GDF6: variants seen among roughly 807,000 people sequenced by gnomAD.
GDF6 encodes the protein growth/differentiation factor 6.
Under a neutral mutation model 32.4 loss-of-function variants are expected in GDF6, and 3 were observed. That is an observed-to-expected ratio of 0.09 (90% CI 0.04 to 0.24). The LOEUF is 0.24. Among genes scored for constraint, GDF6 ranks in the 10% least tolerant of loss-of-function variants. The pLI is 1.00. For missense variants in GDF6, 589 were observed against 637.9 expected, an observed-to-expected ratio of 0.92 and a Z score of 0.83; for synonymous variants, 296 against 295.3, an observed-to-expected ratio of 1.00 and a Z score of -0.03.
chr8:96,160,387 G>A lies in GDF6; in HGVS notation c.306C>T (p.Tyr102=), dbSNP rs755677702. ...VVPHEYMLSI[Y]RTYSIAEKLG... is the part of the protein sequence containing the mutation. ...GCTTCTCAGCGATGGAGTAAGTCCT[G>A]TAGATTGACAGCATGTACTCGTGGG... Residue 102 remains tyrosine (Y), a synonymous_variant, in exon 1 of 2, where the codon TAC becomes TAT. Transcript: ENST00000287020. The A allele has an allele frequency of 4.3e-6, 7 of 1,614,236 alleles. No individual in the cohort carries two copies. Among genetic ancestry groups the A allele is most frequent in the Non-Finnish European group, 5.9e-6 (7 of 1,180,030 alleles).
intron 1 of GDF6, among the ~76,000 whole-genome samples, chr8:96,152,063 C>A (rs113918776): frequency 5.3e-5 from 8 of 152,202 alleles, no homozygotes; most frequent in South Asian, 2.1e-4. Flanking sequence ...AAATCCAGTT[C>A]TCTGGACTTC....
At chr8:96,146,268 A>G (rs949533214) in intron 1 of GDF6, among the ~76,000 whole-genome samples, 2 of 152,062 alleles carry the variant, frequency 1.3e-5, no homozygotes, top group Non-Finnish European at 2.9e-5. Context: ...TGCCAGGACC[A>G]GGGCTTGATT....
In GDF6 at chr8:96,160,436, G is replaced by A; in HGVS notation, c.257C>T (p.Pro86Leu). The change falls in exon 1 of 2, where the codon CCA (proline) becomes CTA (leucine). Residue 86 changes from proline (P) to leucine (L), a missense_variant. This residue lies in a region of GDF6 where 436 missense variants were observed against 411.2 expected (regional missense o/e 1.06). Transcript: ENST00000287020. ...GGGCACCACGCGCGGACCCCTGCCT[G>A]GCGGCTCCTGCGCCCGGGGCTGCTG... The part of the protein sequence containing the change: ...RAQQPRAQEP[P>L]GRGPRVVPHE... The A allele has an allele frequency of 6.2e-7, 1 of 1,613,908 alleles. No homozygotes were observed. The highest frequency in any genetic ancestry group is 8.5e-7 in the Non-Finnish European group (1 of 1,179,884).
rs947171573 is a variant in GDF6, at chr8:96,160,761, G to T, written c.-69C>A. 3 of 1,524,612 alleles carry T rather than the reference G, an allele frequency of 2.0e-6. No individual in the cohort carries two copies. Among genetic ancestry groups the T allele is most frequent in the Non-Finnish European group, 2.7e-6 (3 of 1,112,354 alleles). 94.4% of individuals were successfully genotyped at this position (1,524,612 alleles called of 1,614,324 possible). ...CGCAGGACGCGCGGGGCACGGAGCG[G>T]CTGGACAGCGGCCGGGGCCCGGCTC... On this transcript the variant is annotated 5_prime_UTR_variant, in exon 1 of 2. Coordinates refer to ENST00000287020, the MANE Select transcript of GDF6 (RefSeq NM_001001557.4).
rs749903645 is a variant in GDF6 at position 96,144,914 on chromosome 8, G to A, written c.1017C>T (p.Ala339=). The change falls in exon 2 of 2, where the codon GCC becomes GCT. Residue 339 remains alanine, a synonymous_variant. Coordinates refer to ENST00000287020, the MANE Select transcript of GDF6 (RefSeq NM_001001557.4). The surrounding 1 kb of genome is among the most constrained non-coding windows in gnomAD (Gnocchi z 5.1). The part of the protein sequence containing the change: ...PGRRRRRTAF[A]SRHGKRHGKK... ...TGCCGTGCCGCTTGCCATGGCGACT[G>A]GCGAAGGCCGTGCGCCGCCGCCGGC... The A allele has an allele frequency of 6.2e-7, 1 of 1,609,422 alleles. No individual in the cohort carries two copies. The highest frequency in any genetic ancestry group is 8.5e-7 in the Non-Finnish European group (1 of 1,178,266).
In GDF6 at chr8:96,160,315, C is replaced by T. The variant is rs1812738202; in HGVS notation, c.378G>A (p.Thr126=). ...GTCCCCTGTCTACAAAGCTGGTGAT[C>T]GTATTAGCCGACTTGGAAGACTGGA... ...SFFQSSKSAN[T]ITSFVDRGLD... Residue 126 remains threonine (T), a synonymous_variant, in exon 1 of 2, where the codon ACG becomes ACA. Transcript: ENST00000287020. The T allele has an allele frequency of 6.2e-7, 1 of 1,614,122 alleles. No homozygotes were observed. The highest frequency in any genetic ancestry group is 1.1e-5 in the South Asian group (1 of 91,074).
intron 1 of GDF6, among the ~76,000 whole-genome samples, chr8:96,156,684 A>G (rs577989628): frequency 1.3e-5 from 2 of 152,344 alleles, no homozygotes; most frequent in Admixed American, 1.3e-4. Flanking sequence ...AGCACAATAT[A>G]AGAGCATTTT....
chr8:96,159,560 T>C (rs1296276471), intron 1 of GDF6, among the ~76,000 whole-genome samples: 1 of 152,176 alleles, frequency 6.6e-6, no homozygotes, highest in Non-Finnish European at 1.5e-5. Context: ...CCTTTGTGTA[T>C]TAAGTACCCA....
chr8:96,156,757 C>T (rs1256297190), intron 1 of GDF6, among the ~76,000 whole-genome samples: 2 of 152,214 alleles, frequency 1.3e-5, no homozygotes, highest in African/African-American at 4.8e-5. Flanking sequence ...AAGCAAAGCA[C>T]ACCAAAATTC....
At chr8:96,147,361 C>G (rs772095696) in intron 1 of GDF6, among the ~76,000 whole-genome samples, 8 of 152,218 alleles carry the variant, frequency 5.3e-5, no homozygotes. Flanking sequence ...ATTCAGCACA[C>G]TTTCTTCTCC....
rs555934509 is a variant in GDF6, at chr8:96,155,588, G to A, written c.406+4699C>T. Among the ~76,000 whole-genome samples, 11 of 152,324 alleles carry A rather than the reference G, an allele frequency of 7.2e-5. No individual in the cohort carries two copies. In the East Asian group the frequency reaches 2.1e-3, roughly 29 times the overall value. ...ACCCCGTGCCCGCGCTCATGCAGGC[G>A]CACCCTCATACGCACACACTTGAAC... On this transcript the variant is annotated intron_variant, in intron 1 of 1. Coordinates refer to ENST00000287020, the MANE Select transcript of GDF6 (RefSeq NM_001001557.4).
chr8:96,145,398 C>T lies in GDF6; in HGVS notation c.533G>A (p.Gly178Glu). The T allele has an allele frequency of 3.2e-6, 5 of 1,580,660 alleles. No homozygotes were observed. Among genetic ancestry groups the T allele is most frequent in the Non-Finnish European group, 4.3e-6 (5 of 1,171,178 alleles). ...CACGTGGAGCGGCCCGGCTGGTGGC[C>T]CCCAGGGCGCTGAGGGCGCCTGGCG... ...LFRQAPSAPWGPPAGPLHVQL... is the reference protein window; with the variant it reads ...LFRQAPSAPWEPPAGPLHVQL... The change falls in exon 2 of 2, where the codon GGG becomes GAG. Residue 178 changes from glycine (G) to glutamate (E), a missense_variant. Physicochemically the swap from Gly to Glu is moderately conservative, Grantham distance 98. Coordinates refer to ENST00000287020, the MANE Select transcript of GDF6 (RefSeq NM_001001557.4). The surrounding 1 kb of genome is among the most constrained non-coding windows in gnomAD (Gnocchi z 5.6).
chr8:96,156,385 T>TCTCTCTTTCC (rs2130230203), intron 1 of GDF6, among the ~76,000 whole-genome samples: 1 of 53,926 alleles, frequency 1.9e-5, no homozygotes, highest in South Asian at 7.4e-4. Context: ...TCCCTCTCTC[T>TCTCTCTTTCC]CTCTCTCTCT....
chr8:96,147,988 G>A (rs1366857062), intron 1 of GDF6, among the ~76,000 whole-genome samples: 1 of 152,058 alleles, frequency 6.6e-6, no homozygotes, highest in Non-Finnish European at 1.5e-5. Context: ...GCCTGCTTTT[G>A]TTTTTACTCT....
chr8:96,151,206 C>A (rs1387164695), intron 1 of GDF6, among the ~76,000 whole-genome samples: 1 of 152,240 alleles, frequency 6.6e-6, no homozygotes, highest in East Asian at 1.9e-4. Flanking sequence ...GTTCGGGAAG[C>A]AGTCCATACA....
In GDF6 at chr8:96,144,500, C is replaced by A. The variant is rs1455647418; in HGVS notation, c.*63G>T. ...CTCCTCCGCCTCTCTGCAGCCAGGC[C>A]TCCCCTGCAAGGCGGACCTTGGCCC... On this transcript the variant is annotated 3_prime_UTR_variant, in exon 2 of 2. Transcript: ENST00000287020. The surrounding 1 kb of genome is among the most constrained non-coding windows in gnomAD (Gnocchi z 5.1). The A allele has an allele frequency of 2.5e-6, 4 of 1,585,180 alleles. No individual in the cohort carries two copies. The South Asian group carries it at 4.6e-5, about 18-fold the overall frequency.
intron 1 of GDF6, among the ~76,000 whole-genome samples, chr8:96,157,531 C>T (rs116719470): frequency 0.045 from 6,840 of 152,234 alleles, 177 homozygotes; most frequent in Middle Eastern, 0.11. Flanking sequence ...GCCAGCCCCA[C>T]TCGACGGCGA....
In GDF6 at chr8:96,145,066, G is replaced by A; in HGVS notation, c.865C>T (p.Leu289=). 1 of 1,506,232 alleles carries A rather than the reference G, an allele frequency of 6.6e-7. No homozygotes were observed. The highest frequency in any genetic ancestry group is 2.7e-5 in the East Asian group (1 of 37,484). The allele number at this position is 1,506,232 out of a possible 1,614,324, so 93.3% of individuals were successfully genotyped here. The part of the protein sequence containing the change: ...VVFTRSQRKN[L]FAEMREQLGS... Reference sequence around the variant, plus strand: ...AGCTGCTCGCGCATCTCTGCGAACAGGTTCTTGCGCTGGGATCTGGTGAAT... The same window carrying A: ...AGCTGCTCGCGCATCTCTGCGAACAAGTTCTTGCGCTGGGATCTGGTGAAT... Residue 289 remains leucine (L), a synonymous_variant, in exon 2 of 2, where the codon CTG becomes TTG. Coordinates refer to ENST00000287020, the MANE Select transcript of GDF6 (RefSeq NM_001001557.4). This position sits in a 1 kb window ranked among gnomAD's most constrained non-coding sequence, Gnocchi z 5.6.
At chr8:96,153,662 A>G (rs534363619) in intron 1 of GDF6, among the ~76,000 whole-genome samples, 57 of 152,326 alleles carry the variant, frequency 3.7e-4, no homozygotes, top group Admixed American at 2.2e-3. Flanking sequence ...GCATGGCTTC[A>G]GTTTTGAGAT....
Sources: allele counts gnomAD v4.1 joint callset (sites outside exome capture counted in the v4.1 genomes callset), GRCh38; gene constraint gnomAD v4.1.1; regional missense constraint gnomAD v4.1.1; non-coding constraint Gnocchi (gnomAD v3.1); transcripts MANE v1.5; gene names NCBI Gene and HGNC (gene_info 2026-07-23, HGNC 2026-07-21).